Variants in ANO4 observed in about 807,000 individuals in gnomAD.
ANO4 encodes anoctamin-4.
ANO4 carries 69 observed loss-of-function variants against 141.9 expected under a neutral mutation model. The observed-to-expected ratio is 0.49, with a 90% CI of 0.40 to 0.59. ANO4 has a LOEUF of 0.59. Among genes scored for constraint, ANO4 ranks in the 20% least tolerant of loss-of-function variants. ANO4 has a pLI of 0.00. For missense variants in ANO4, 894 were observed against 1,162.2 expected (o/e 0.77, Z 3.36); for synonymous variants, 350 against 394.3 (o/e 0.89, Z 1.33).
chr12:101,007,555 A>T (rs1225698314), intron 8 of ANO4, among the ~76,000 whole-genome samples: 1 of 152,190 alleles, frequency 6.6e-6, no homozygotes, highest in Non-Finnish European at 1.5e-5. Context: ...CTAAATTCAA[A>T]CAGTTAGTGC....
chr12:101,087,595 C>T (rs537527410), intron 17 of ANO4, among the ~76,000 whole-genome samples: 2 of 152,248 alleles, frequency 1.3e-5, no homozygotes, highest in East Asian at 1.9e-4. Flanking sequence ...CAAGCTGGTA[C>T]ATATTGCTTT....
chr12:100,926,819 C>A (rs1429239435), intron 3 of ANO4, among the ~76,000 whole-genome samples: 32 of 151,852 alleles, frequency 2.1e-4, no homozygotes, highest in Admixed American at 2.1e-3. Context: ...GAAGAAATTG[C>A]AAGAGAGATG....
intron 3 of ANO4, among the ~76,000 whole-genome samples, chr12:100,925,765 GTA>G (rs62812263): frequency 0.26 from 38,360 of 146,322 alleles, 5,201 homozygotes; most frequent in Admixed American, 0.32. Context: ...TTTATATATA[GTA>G]TATATATATA....
At chr12:101,068,328 G>A in intron 14 of ANO4, 2 of 1,223,270 alleles carry the variant, frequency 1.6e-6, no homozygotes, top group Admixed American at 1.7e-5. Flanking sequence ...AATGGTCCTT[G>A]AGAGAAGATG....
intron 1 of ANO4, among the ~76,000 whole-genome samples, chr12:100,892,711 T>A (rs1303939179): frequency 6.6e-6 from 1 of 152,222 alleles, no homozygotes; most frequent in Non-Finnish European, 1.5e-5. Context: ...CCCAGTACAA[T>A]GTAAATGATA....
chr12:101,068,533 T>G (rs2048685986), intron 14 of ANO4: 5 of 1,190,400 alleles, frequency 4.2e-6, no homozygotes, highest in Non-Finnish European at 6.3e-6. Flanking sequence ...ATGATCAGGA[T>G]CTAAGTGTTA....
In ANO4 at chr12:100,755,990, A is replaced by G. The variant is rs192774246; in HGVS notation, c.358+15885A>G. Among the ~76,000 whole-genome samples, 345 of 152,322 alleles carry G rather than the reference A, an allele frequency of 2.3e-3. 1 individual carries two copies. The highest frequency in any genetic ancestry group is 7.8e-3 in the African/African-American group (326 of 41,588). ...GAATAGTTATCACTAGGAGAAATAA[A>G]GTAGTTTTCCTTCTTTAATCTCAAG... On this transcript the variant is annotated intron_variant, in intron 3 of 29. Transcript: ENST00000644049.
At chr12:100,845,670 A>G (rs1170104153) in intron 1 of ANO4, among the ~76,000 whole-genome samples, 1 of 152,222 alleles carries the variant, frequency 6.6e-6, no homozygotes, top group Non-Finnish European at 1.5e-5. Flanking sequence ...GGAGTTTCTC[A>G]GAATTAAGAA....
chr12:100,993,514 T>C (rs1305895115), intron 8 of ANO4, among the ~76,000 whole-genome samples: 2 of 151,436 alleles, frequency 1.3e-5, no homozygotes, highest in Non-Finnish European at 2.9e-5. Flanking sequence ...TCTAAACAAC[T>C]CCCAAATATC....
intron 1 of ANO4, among the ~76,000 whole-genome samples, chr12:100,834,645 G>T (rs1483211048): frequency 6.6e-6 from 1 of 152,118 alleles, no homozygotes; most frequent in Non-Finnish European, 1.5e-5. Context: ...TGGTGGCAAG[G>T]TGAGGCAGTC....
rs1015346855 is a variant in ANO4 at position 100,922,346 on chromosome 12, A to G, written c.160+16A>G. ...ATACAAGAAAGTAAGTTTCACTCAAATTTTAAATTCGCCGTGAGAGAAGAA... is the reference window on the plus strand; with the variant it reads ...ATACAAGAAAGTAAGTTTCACTCAAGTTTTAAATTCGCCGTGAGAGAAGAA... On this transcript the variant is annotated intron_variant, in intron 3 of 27. Transcript: ENST00000392977. The G allele has an allele frequency of 9.3e-6, 14 of 1,503,922 alleles. No homozygotes were observed. Among genetic ancestry groups the G allele is most frequent in the Non-Finnish European group, 1.2e-5 (14 of 1,130,520 alleles). 93.2% of individuals were successfully genotyped at this position (1,503,922 alleles called of 1,614,324 possible).
chr12:100,737,954 A>C (rs765196567), intron 2 of ANO4, among the ~76,000 whole-genome samples: 2 of 152,128 alleles, frequency 1.3e-5, no homozygotes, highest in African/African-American at 2.4e-5. Flanking sequence ...TGCCCAAAGC[A>C]GGGGGGTCAA....
chr12:101,124,933 AGTCTT>A (rs1157740652), intron 26 of ANO4, among the ~76,000 whole-genome samples: 5 of 152,164 alleles, frequency 3.3e-5, no homozygotes, highest in African/African-American at 1.2e-4. Flanking sequence ...CTTTTTGCTT[AGTCTT>A]GTCTTGGCTA....
At chr12:100,926,429 G>T (rs970173685) in intron 3 of ANO4, among the ~76,000 whole-genome samples, 1 of 152,028 alleles carries the variant, frequency 6.6e-6, no homozygotes, top group Non-Finnish European at 1.5e-5. Flanking sequence ...CATGTGTCAG[G>T]TACTGTGCTA....
At chr12:100,964,959 G>A (rs1047190341) in intron 5 of ANO4, among the ~76,000 whole-genome samples, 4 of 152,106 alleles carry the variant, frequency 2.6e-5, no homozygotes, top group African/African-American at 9.7e-5. Flanking sequence ...GCAAGAGCAG[G>A]GATTTGGTCT....
chr12:101,064,361 C>T (rs1368686148), intron 14 of ANO4, among the ~76,000 whole-genome samples: 1 of 152,152 alleles, frequency 6.6e-6, no homozygotes, highest in Admixed American at 6.5e-5. Context: ...ATTCAAAGGA[C>T]ATAGTTTGTG....
At chr12:100,988,845 T>C (rs1406164904) in intron 8 of ANO4, among the ~76,000 whole-genome samples, 1 of 123,688 alleles carries the variant, frequency 8.1e-6, no homozygotes, top group South Asian at 2.7e-4. Context: ...CACTCCAGCC[T>C]GGGTGACAGA....
intron 3 of ANO4, among the ~76,000 whole-genome samples, chr12:100,766,618 C>A (rs2033093801): frequency 1.3e-5 from 2 of 152,024 alleles, no homozygotes; most frequent in Admixed American, 1.3e-4. Flanking sequence ...GTTATGATTT[C>A]AATATTTTTA....
intron 3 of ANO4, among the ~76,000 whole-genome samples, chr12:100,928,667 A>C (rs2041971440): frequency 6.6e-6 from 1 of 152,176 alleles, no homozygotes; most frequent in Non-Finnish European, 1.5e-5. Flanking sequence ...AAGGTCGCCA[A>C]GGCTAATGAA....
Sources: allele counts gnomAD v4.1 joint callset (sites outside exome capture counted in the v4.1 genomes callset), GRCh38; gene constraint gnomAD v4.1.1; transcripts MANE v1.5; gene names NCBI Gene and HGNC (gene_info 2026-07-23, HGNC 2026-07-21).